Variants in CFAP100 observed in about 807,000 individuals in gnomAD.
CFAP100 encodes the protein cilia and flagella associated protein 100.
CFAP100 carries 70 observed loss-of-function variants against 81.5 expected under a neutral mutation model. That is an observed-to-expected ratio of 0.86 (90% CI 0.71 to 1.05). CFAP100 has a LOEUF of 1.05. CFAP100 is among the 50% of genes least tolerant of loss of function. CFAP100 has a pLI of 0.00. For missense variants in CFAP100, 811 were observed against 776.5 expected (o/e 1.04, Z -0.53); for synonymous variants, 341 against 314.8 (o/e 1.08, Z -0.88).
At chr3:126,400,814 A>G (rs972472636) in intron 2 of CFAP100, among the ~76,000 whole-genome samples, 9 of 152,254 alleles carry the variant, frequency 5.9e-5, no homozygotes, top group Non-Finnish European at 1.0e-4. Flanking sequence ...GTATTAACAT[A>G]TGATCCAGCA....
At chr3:126,423,919 C>T (rs555242291) in intron 13 of CFAP100, among the ~76,000 whole-genome samples, 5 of 152,354 alleles carry the variant, frequency 3.3e-5, no homozygotes, top group African/African-American at 9.6e-5. Context: ...CTGCCCTAGG[C>T]GCCTTCTGCT....
chr3:126,410,547 G>C (rs1214755840), intron 3 of CFAP100, among the ~76,000 whole-genome samples: 7 of 151,716 alleles, frequency 4.6e-5, no homozygotes, highest in Admixed American at 3.9e-4. Context: ...TGTCACTCAG[G>C]CTGGAGTGCA....
chr3:126,419,007 C>A, intron 7 of CFAP100, 69 bp from the exon 8 acceptor site: 1 of 1,057,518 alleles, frequency 9.5e-7, no homozygotes, highest in South Asian at 1.5e-5. Context: ...GTGGTGTGCT[C>A]ACCCCTCTTT....
intron 6 of CFAP100, 22 bp from the exon 7 acceptor site, chr3:126,418,589 A>G: frequency 1.2e-6 from 2 of 1,612,010 alleles, no homozygotes; most frequent in Non-Finnish European, 1.7e-6. Context: ...AGGCACCATG[A>G]CCCCACTCTG....
chr3:126,401,614 G>A (rs1257793252), intron 2 of CFAP100, among the ~76,000 whole-genome samples: 1 of 151,204 alleles, frequency 6.6e-6, no homozygotes, highest in African/African-American at 2.4e-5. Flanking sequence ...TGGAGAAGGT[G>A]ACATTTGAGT....
At chr3:126,401,011 G>T (rs1205174373) in intron 2 of CFAP100, among the ~76,000 whole-genome samples, 1 of 152,184 alleles carries the variant, frequency 6.6e-6, no homozygotes, top group African/African-American at 2.4e-5. Flanking sequence ...GCCTCAAAAA[G>T]GAAGGGAATT....
At position 126,434,174 on chromosome 3, in the gene CFAP100, A is replaced by C. The variant is rs199665323; in HGVS notation, c.1423-2A>C. On this transcript the variant is annotated splice_acceptor_variant, in intron 14 of 16. Transcript: ENST00000352312. LOFTEE classifies it high-confidence loss of function. The stretch of plus-strand genomic sequence containing the variant: ...CCCTGCTGGAAGCCACCTCCTCCAC[A>C]GGATAAGCTGCTAGAGAGCCTGAAC... 5.0e-6 allele frequency: 8 copies of C among 1,601,634 alleles called. No homozygotes were observed. In the African/African-American group the frequency reaches 6.7e-5, roughly 13 times the overall value.
At chr3:126,433,989 G>C (rs1933344098) in intron 14 of CFAP100, 187 bp from the exon 15 acceptor site, 1 of 586,714 alleles carries the variant, frequency 1.7e-6, no homozygotes, top group African/African-American at 1.9e-5. Context: ...GGGGCCCGGG[G>C]GATAGGCTGC....
At chr3:126,397,541 G>T (rs1240460932) in intron 2 of CFAP100, among the ~76,000 whole-genome samples, 1 of 152,256 alleles carries the variant, frequency 6.6e-6, no homozygotes. Context: ...GTATGAGGGG[G>T]AGTGCCTAGT....
intron 13 of CFAP100, among the ~76,000 whole-genome samples, chr3:126,424,263 G>C (rs1340923277): frequency 6.6e-6 from 1 of 152,208 alleles, no homozygotes; most frequent in Non-Finnish European, 1.5e-5. Flanking sequence ...GGCTAGGTGG[G>C]GCTGAGACGG....
chr3:126,414,255 C>A, intron 4 of CFAP100, 76 bp downstream of exon 4: 1 of 1,022,880 alleles, frequency 9.8e-7, no homozygotes, highest in Non-Finnish European at 1.6e-6. Context: ...GCCACATTGC[C>A]CTTCTCAGAG....
chr3:126,407,097 C>T (rs1049826642), intron 2 of CFAP100, 75 bp from the exon 3 acceptor site: 22 of 992,582 alleles, frequency 2.2e-5, no homozygotes, highest in South Asian at 1.7e-4. Flanking sequence ...AGACATTCCC[C>T]GCCTCAGGCT....
At chr3:126,409,984 T>C (rs1284713337) in intron 3 of CFAP100, among the ~76,000 whole-genome samples, 4 of 152,198 alleles carry the variant, frequency 2.6e-5, no homozygotes, top group African/African-American at 9.6e-5. Flanking sequence ...GTGGATTACC[T>C]GAGGTCAGGA....
At position 126,398,186 on chromosome 3, in the gene CFAP100, G is replaced by A. The variant is rs190280043; in HGVS notation, c.49+2137G>A. 1.5e-4 allele frequency among the ~76,000 whole-genome samples: 23 copies of A among 152,308 alleles called. 1 individual carries two copies. In the East Asian group the frequency reaches 3.9e-3, roughly 26 times the overall value. On this transcript the variant is annotated intron_variant, in intron 2 of 16. Coordinates refer to ENST00000352312, the MANE Select transcript of CFAP100 (RefSeq NM_182628.3). The stretch of plus-strand genomic sequence containing the variant: ...ACAGCCTCCTTTGAGGCATCAGGGC[G>A]GGCAGGGGTGGGGGCTGCAGGAATG...
chr3:126,434,191 A>G lies in CFAP100; in HGVS notation c.1438A>G (p.Ser480Gly), dbSNP rs1426904129. ...TCCTCCACAGGATAAGCTGCTAGAG[A>G]GCCTGAACTGCAAGGTGCTGGATGT... ...KGDQQDKLLE[S>G]LNCKVLDVYR... The change falls in exon 15 of 17, where the codon AGC becomes GGC. Residue 480 changes from serine (S) to glycine (G), a missense_variant. Coordinates refer to ENST00000352312, the MANE Select transcript of CFAP100 (RefSeq NM_182628.3). 9 of 1,612,246 alleles carry G rather than the reference A, an allele frequency of 5.6e-6. No individual in the cohort carries two copies. The highest frequency in any genetic ancestry group is 2.2e-5 in the South Asian group (2 of 90,956).
At chr3:126,418,869 C>G (rs1048172968) in intron 7 of CFAP100, 95 bp downstream of exon 7, 17 of 1,401,118 alleles carry the variant, frequency 1.2e-5, no homozygotes, top group Non-Finnish European at 1.6e-5. Context: ...CTGCCCCCAG[C>G]CCCTGCAACT....
intron 16 of CFAP100, among the ~76,000 whole-genome samples, 169 bp downstream of exon 16, chr3:126,435,821 T>C (rs1240140806): frequency 3.3e-5 from 5 of 152,158 alleles, no homozygotes; most frequent in Non-Finnish European, 7.4e-5. Context: ...ACCTGCTTCC[T>C]GCAGGGGGCT....
At chr3:126,416,638 G>C (rs2107603495) in intron 5 of CFAP100, 130 bp downstream of exon 5, 1 of 777,466 alleles carries the variant, frequency 1.3e-6, no homozygotes, top group Non-Finnish European at 2.0e-6. Context: ...GCTTCGGAAA[G>C]GCCTGCCCTT....
intron 11 of CFAP100, among the ~76,000 whole-genome samples, chr3:126,422,977 C>A (rs979742963): frequency 6.6e-6 from 1 of 152,174 alleles, no homozygotes; most frequent in African/African-American, 2.4e-5. Flanking sequence ...CCTGGCATGA[C>A]CCAAGAGGAG....
Sources: allele counts gnomAD v4.1 joint callset (sites outside exome capture counted in the v4.1 genomes callset), GRCh38; gene constraint gnomAD v4.1.1; transcripts MANE v1.5; gene names NCBI Gene and HGNC (gene_info 2026-07-23, HGNC 2026-07-21).